CSMD1: variants seen among roughly 807,000 people sequenced by gnomAD.
CSMD1 encodes CUB and Sushi multiple domains 1.
In CSMD1, 213 loss-of-function variants were observed where a neutral mutation model predicts 417.5. The ratio of observed to expected loss-of-function variants is 0.51; its 90% CI spans 0.46 to 0.57. The LOEUF (loss-of-function observed/expected upper bound fraction) is 0.57, where lower values mean the gene tolerates loss of function less well. Among genes scored for constraint, CSMD1 ranks in the 20% least tolerant of loss-of-function variants. The pLI, the probability that CSMD1 is intolerant of heterozygous loss-of-function variation, is 0.00. For synonymous variants in CSMD1, 2,862 were observed against 1,736.8 expected (o/e 1.65, Z -16.11); for missense variants, 6,923 against 4,529.7 (o/e 1.53, Z -15.17).
chr8:4,884,432 T>C (rs1803597828), intron 1 of CSMD1, among the ~76,000 whole-genome samples: 3 of 152,050 alleles, frequency 2.0e-5, no homozygotes, highest in African/African-American at 7.3e-5. Flanking sequence ...GCTTTTGCTT[T>C]TATCTGAAAA....
At chr8:3,160,209 C>T (rs551139478) in intron 38 of CSMD1, among the ~76,000 whole-genome samples, 4 of 152,228 alleles carry the variant, frequency 2.6e-5, no homozygotes, top group Admixed American at 1.3e-4. Flanking sequence ...CTGCAACCTC[C>T]GCCTCCTGTT....
chr8:3,400,689 A>C (rs1811984480), intron 15 of CSMD1, among the ~76,000 whole-genome samples: 2 of 152,092 alleles, frequency 1.3e-5, no homozygotes, highest in South Asian at 4.1e-4. Context: ...AAAATTGTCC[A>C]TCTGTTATAA....
At chr8:3,993,643 A>T (rs925820075) in intron 5 of CSMD1, among the ~76,000 whole-genome samples, 8 of 152,214 alleles carry the variant, frequency 5.3e-5, no homozygotes, top group African/African-American at 1.9e-4. Flanking sequence ...GGGTCAAGTT[A>T]TGCTGGTTCA....
intron 5 of CSMD1, among the ~76,000 whole-genome samples, chr8:3,876,654 G>C (rs1022432019): frequency 6.6e-6 from 1 of 152,050 alleles, no homozygotes; most frequent in African/African-American, 2.4e-5. Context: ...CTGTTGCCTG[G>C]GGTGAAGTGC....
chr8:4,750,250 G>T (rs35294170), intron 1 of CSMD1, among the ~76,000 whole-genome samples: 2 of 152,018 alleles, frequency 1.3e-5, no homozygotes, highest in African/African-American at 4.8e-5. Context: ...ATTGTGATCC[G>T]CCCGCCTCGG....
chr8:3,993,615 T>A (rs560229126), intron 5 of CSMD1, among the ~76,000 whole-genome samples: 10 of 152,188 alleles, frequency 6.6e-5, no homozygotes, highest in Non-Finnish European at 1.2e-4. Context: ...TAAACTTCCA[T>A]ACACCAGATA....
intron 5 of CSMD1, among the ~76,000 whole-genome samples, chr8:3,911,397 G>C (rs774609421): frequency 6.6e-6 from 1 of 151,590 alleles, no homozygotes; most frequent in Non-Finnish European, 1.5e-5. Context: ...GTATGGTGGC[G>C]GGCGCCTGTG....
intron 3 of CSMD1, among the ~76,000 whole-genome samples, chr8:4,132,391 A>G (rs1347946999): frequency 3.3e-4 from 50 of 152,114 alleles, no homozygotes; most frequent in Admixed American, 2.8e-3. Flanking sequence ...CCTATTCTCT[A>G]GTATGGTGTC....
intron 1 of CSMD1, among the ~76,000 whole-genome samples, chr8:4,951,467 A>T (rs1218546970): frequency 6.6e-6 from 1 of 150,878 alleles, no homozygotes. Context: ...GAAAGAAGGA[A>T]GGAAGGAAGG....
intron 22 of CSMD1, among the ~76,000 whole-genome samples, chr8:3,347,401 T>C (rs1361862148): frequency 6.6e-6 from 1 of 152,188 alleles, no homozygotes; most frequent in Non-Finnish European, 1.5e-5. Context: ...AGGACCTGGG[T>C]ACCCCTGCCA....
At chr8:4,370,906 A>C (rs1358295971) in intron 3 of CSMD1, among the ~76,000 whole-genome samples, 1 of 152,140 alleles carries the variant, frequency 6.6e-6, no homozygotes, top group African/African-American at 2.4e-5. Context: ...CCAGATTCTG[A>C]AGTCTATGTC....
At chr8:3,975,997 T>G (rs987166633) in intron 5 of CSMD1, among the ~76,000 whole-genome samples, 23 of 152,168 alleles carry the variant, frequency 1.5e-4, no homozygotes, top group African/African-American at 2.7e-4. Flanking sequence ...TTTTAACATT[T>G]AAAATATTAT....
At position 4,116,611 on chromosome 8, in the gene CSMD1, G is replaced by A. The variant is rs1356146503; in HGVS notation, c.416-84512C>T. ...CAGTGATGTATGAGTGCAGGTGCCT[G>A]GATGGAACAAACGCGCCATGAATGA... is the stretch of plus-strand genomic sequence containing the variant. On this transcript the variant is annotated intron_variant, in intron 3 of 69. Transcript: ENST00000635120. 3.0e-5 allele frequency among the ~76,000 whole-genome samples: 4 copies of A among 135,352 alleles called. 1 individual carries two copies. Among genetic ancestry groups the A allele is most frequent in the African/African-American group, 8.2e-5 (3 of 36,686 alleles). The allele number at this position is 135,352 out of a possible 152,430, so 88.8% of individuals were successfully genotyped here.
At chr8:3,930,704 A>G (rs970996308) in intron 5 of CSMD1, among the ~76,000 whole-genome samples, 1 of 150,420 alleles carries the variant, frequency 6.6e-6, no homozygotes. Flanking sequence ...TTTCTGCAGA[A>G]AGGAAAAAAA....
intron 5 of CSMD1, among the ~76,000 whole-genome samples, chr8:3,772,253 A>G (rs1010968655): frequency 2.1e-5 from 3 of 146,100 alleles, no homozygotes; most frequent in East Asian, 3.9e-4. Context: ...AGATATATAC[A>G]TATATTTAGA....
chr8:3,468,107 C>A (rs553075203), intron 12 of CSMD1, among the ~76,000 whole-genome samples: 1 of 152,126 alleles, frequency 6.6e-6, no homozygotes, highest in Non-Finnish European at 1.5e-5. Flanking sequence ...ATCAGAAATA[C>A]TGAAATAAAC....
chr8:3,333,435 C>T (rs955415587), intron 23 of CSMD1, among the ~76,000 whole-genome samples: 2 of 152,164 alleles, frequency 1.3e-5, no homozygotes, highest in African/African-American at 4.8e-5. Flanking sequence ...ACAAACACTG[C>T]TTATTGGATA....
At chr8:4,551,114 A>C (rs1006972040) in intron 2 of CSMD1, among the ~76,000 whole-genome samples, 1 of 152,200 alleles carries the variant, frequency 6.6e-6, no homozygotes, top group African/African-American at 2.4e-5. Flanking sequence ...TAATTACCTA[A>C]AGAGACACTG....
chr8:4,328,372 G>A (rs1005118396), intron 3 of CSMD1, among the ~76,000 whole-genome samples: 10 of 151,296 alleles, frequency 6.6e-5, no homozygotes, highest in African/African-American at 1.5e-4. Context: ...AAGCTATGGA[G>A]GCATGATTTC....
Sources: gnomAD v4.1 joint callset for allele counts (sites outside exome capture counted in the v4.1 genomes callset) on GRCh38, gnomAD v4.1.1 for gene constraint, MANE v1.5 for transcripts, NCBI Gene and HGNC (gene_info 2026-07-23, HGNC 2026-07-21) for gene names.